MAGI3: variants seen among roughly 807,000 people sequenced by gnomAD.
MAGI3 encodes the protein membrane associated guanylate kinase, WW and PDZ domain containing 3, also known as membrane-associated guanylate kinase, WW and PDZ domain-containing protein 3.
In MAGI3, 43 loss-of-function variants were observed where a neutral mutation model predicts 121.8. The ratio of observed to expected loss-of-function variants is 0.35; its 90% CI spans 0.28 to 0.46. The LOEUF is 0.46. MAGI3 is among the 20% of genes least tolerant of loss of function. MAGI3 has a pLI of 1.00. For missense variants in MAGI3, 1,547 were observed against 1,797.3 expected, an observed-to-expected ratio of 0.86 and a Z score of 2.52; for synonymous variants, 553 against 639.3, an observed-to-expected ratio of 0.86 and a Z score of 2.04.
chr1:113,468,899 C>G (rs1477665443), intron 1 of MAGI3, among the ~76,000 whole-genome samples: 1 of 152,016 alleles, frequency 6.6e-6, no homozygotes, highest in Admixed American at 6.6e-5. Context: ...GGACCCTTTT[C>G]ATTTTAATCT....
chr1:113,450,900 C>T (rs570255044), intron 1 of MAGI3, among the ~76,000 whole-genome samples: 2 of 152,288 alleles, frequency 1.3e-5, no homozygotes, highest in African/African-American at 4.8e-5. Context: ...GCAGCTTAAA[C>T]AGGAAACCCT....
chr1:113,396,608 A>G (rs1260623757), intron 1 of MAGI3, among the ~76,000 whole-genome samples: 2 of 152,156 alleles, frequency 1.3e-5, no homozygotes, highest in Non-Finnish European at 2.9e-5. Context: ...TTGAAGAACA[A>G]CTATTATTCA....
At chr1:113,455,129 G>A (rs1012959933) in intron 1 of MAGI3, among the ~76,000 whole-genome samples, 6 of 152,056 alleles carry the variant, frequency 3.9e-5, no homozygotes, top group African/African-American at 1.2e-4. Flanking sequence ...AAATGACATA[G>A]AAATACAGTA....
At chr1:113,496,655 C>T (rs1180621545) in intron 1 of MAGI3, among the ~76,000 whole-genome samples, 1 of 151,770 alleles carries the variant, frequency 6.6e-6, no homozygotes, top group Non-Finnish European at 1.5e-5. Flanking sequence ...TTGTTTTTTA[C>T]CTTTTTAAAA....
At chr1:113,456,010 G>A (rs1654735335) in intron 1 of MAGI3, among the ~76,000 whole-genome samples, 1 of 151,668 alleles carries the variant, frequency 6.6e-6, no homozygotes, top group African/African-American at 2.4e-5. Context: ...GAGTGCAGTG[G>A]CATGATCTCG....
rs568243834 is a variant in MAGI3, at chr1:113,481,847, G to A, written c.317-67668G>A. Among the ~76,000 whole-genome samples, 8 of 152,104 alleles carry A rather than the reference G, an allele frequency of 5.3e-5. No individual in the cohort carries two copies. The South Asian group carries it at 6.2e-4, about 12-fold the overall frequency. ...CAGAAGTCCAACATGGATCTCATGG[G>A]GCCAAAGTCAAGATGTCACAGGACT... On this transcript the variant is annotated intron_variant, in intron 1 of 20. Coordinates refer to ENST00000307546, the MANE Select transcript of MAGI3 (RefSeq NM_001142782.2).
intron 1 of MAGI3, among the ~76,000 whole-genome samples, chr1:113,421,570 G>T (rs1652734875): frequency 6.6e-6 from 1 of 152,114 alleles, no homozygotes; most frequent in Non-Finnish European, 1.5e-5. Flanking sequence ...TGGGATGAGG[G>T]TCCATCAACT....
At chr1:113,417,859 ATG>A (rs1255982863) in intron 1 of MAGI3, among the ~76,000 whole-genome samples, 2 of 152,132 alleles carry the variant, frequency 1.3e-5, no homozygotes, top group African/African-American at 4.8e-5. Flanking sequence ...TATTTTCTGA[ATG>A]TGTTTTTCTT....
At chr1:113,670,080 A>G (rs574727526) in intron 16 of MAGI3, among the ~76,000 whole-genome samples, 1 of 150,536 alleles carries the variant, frequency 6.6e-6, no homozygotes, top group African/African-American at 2.4e-5. Flanking sequence ...GACCTTAAAG[A>G]GGAAACACAA....
intron 1 of MAGI3, among the ~76,000 whole-genome samples, chr1:113,445,016 C>T (rs1021168832): frequency 1.3e-5 from 2 of 152,002 alleles, no homozygotes; most frequent in African/African-American, 4.8e-5. Flanking sequence ...AATGAATCAG[C>T]AAACTTGAAG....
At chr1:113,454,544 T>C (rs1445284251) in intron 1 of MAGI3, among the ~76,000 whole-genome samples, 1 of 152,178 alleles carries the variant, frequency 6.6e-6, no homozygotes, top group Admixed American at 6.5e-5. Context: ...ATGTGCAGAA[T>C]GTGCAGGTTT....
chr1:113,593,106 C>T (rs956352100), intron 5 of MAGI3, among the ~76,000 whole-genome samples: 7 of 152,114 alleles, frequency 4.6e-5, no homozygotes, highest in African/African-American at 7.2e-5. Flanking sequence ...AGTAGCTCAG[C>T]GGTTACAAAA....
At chr1:113,632,516 C>A (rs1456344284) in intron 9 of MAGI3, among the ~76,000 whole-genome samples, 2 of 152,142 alleles carry the variant, frequency 1.3e-5, no homozygotes, top group Non-Finnish European at 2.9e-5. Flanking sequence ...ATTGATGAGA[C>A]AACAGGGGCC....
At chr1:113,682,176 T>TTTTTA in intron 20 of MAGI3, 2 of 1,570,952 alleles carry the variant, frequency 1.3e-6, no homozygotes, top group South Asian at 2.4e-5. Context: ...TTTTTTTTTT[T>TTTTTA]CACATAGTCC....
intron 1 of MAGI3, among the ~76,000 whole-genome samples, chr1:113,475,888 T>A (rs1235947582): frequency 1.3e-5 from 2 of 152,144 alleles, no homozygotes; most frequent in Non-Finnish European, 2.9e-5. Context: ...GCTATTAATT[T>A]TTGCCTCAAT....
At chr1:113,626,609 T>C (rs537559332) in intron 9 of MAGI3, among the ~76,000 whole-genome samples, 1 of 152,336 alleles carries the variant, frequency 6.6e-6, no homozygotes, top group South Asian at 2.1e-4. Flanking sequence ...TGGGAGACTA[T>C]TATGGCTTCA....
intron 1 of MAGI3, among the ~76,000 whole-genome samples, chr1:113,497,272 G>T (rs1656972066): frequency 8.3e-6 from 1 of 120,218 alleles, no homozygotes; most frequent in African/African-American, 2.9e-5. Context: ...CGCAGAAGAC[G>T]GGTGATTTCT....
At chr1:113,519,648 C>T (rs564132447) in intron 1 of MAGI3, among the ~76,000 whole-genome samples, 1 of 152,200 alleles carries the variant, frequency 6.6e-6, no homozygotes, top group East Asian at 1.9e-4. Flanking sequence ...GCTCAAGCTC[C>T]CAGTGGAGTC....
At chr1:113,638,302 C>T (rs28807504) in intron 9 of MAGI3, among the ~76,000 whole-genome samples, 8 of 152,214 alleles carry the variant, frequency 5.3e-5, no homozygotes, top group South Asian at 2.1e-4. Flanking sequence ...AGAGGAGAGG[C>T]GCTCTGCTTT....
Sources: gnomAD v4.1 joint callset for allele counts (sites outside exome capture counted in the v4.1 genomes callset) on GRCh38, gnomAD v4.1.1 for gene constraint, MANE v1.5 for transcripts, NCBI Gene and HGNC (gene_info 2026-07-23, HGNC 2026-07-21) for gene names.